Variants in GMDS observed in about 807,000 individuals in gnomAD.
The protein encoded by GMDS is GDP-mannose 4,6 dehydratase.
Under a neutral mutation model 49.9 loss-of-function variants are expected in GMDS, and 20 were observed. The ratio of observed to expected loss-of-function variants is 0.40; its 90% CI spans 0.28 to 0.58. GMDS has a LOEUF of 0.58. Ranked by LOEUF, GMDS falls within the 20% of genes least tolerant of loss-of-function variation. The probability of loss-of-function intolerance (pLI) is 0.42; values close to 1 mark genes in which losing one functional copy is unlikely to be tolerated. For missense variants in GMDS, 362 were observed against 481.4 expected (o/e 0.75, Z 2.32); for synonymous variants, 177 against 178.6 (o/e 0.99, Z 0.07).
At chr6:1,865,528 A>G (rs1340356445) in intron 7 of GMDS, among the ~76,000 whole-genome samples, 1 of 152,230 alleles carries the variant, frequency 6.6e-6, no homozygotes, top group African/African-American at 2.4e-5. Flanking sequence ...ACATTTAAAA[A>G]TATCCAAGCC....
intron 1 of GMDS, among the ~76,000 whole-genome samples, chr6:2,239,526 G>A (rs895895697): frequency 6.6e-6 from 1 of 152,094 alleles, no homozygotes; most frequent in African/African-American, 2.4e-5. Context: ...CACTTGACAA[G>A]TTAAGAAAAA....
At chr6:1,982,568 C>A (rs1359121021) in intron 4 of GMDS, among the ~76,000 whole-genome samples, 2 of 152,138 alleles carry the variant, frequency 1.3e-5, no homozygotes, top group Non-Finnish European at 2.9e-5. Context: ...TACTAGCATT[C>A]CTGTACACCA....
chr6:1,897,750 G>T (rs567643164), intron 7 of GMDS, among the ~76,000 whole-genome samples: 4 of 152,274 alleles, frequency 2.6e-5, no homozygotes, highest in Non-Finnish European at 5.9e-5. Flanking sequence ...TCAAACACTA[G>T]AACTTATTTC....
chr6:2,165,960 C>T (rs1342335598), intron 1 of GMDS, among the ~76,000 whole-genome samples: 1 of 151,910 alleles, frequency 6.6e-6, no homozygotes, highest in African/African-American at 2.4e-5. Context: ...AAAAAAGAAT[C>T]AAGGCAAATA....
chr6:1,848,678 G>A (rs2113760902), intron 7 of GMDS, among the ~76,000 whole-genome samples: 1 of 152,288 alleles, frequency 6.6e-6, no homozygotes, highest in Middle Eastern at 3.4e-3. Flanking sequence ...TAGTGGGGTG[G>A]GAACGTCCAG....
intron 1 of GMDS, among the ~76,000 whole-genome samples, chr6:2,240,968 T>C (rs1561684131): frequency 6.6e-6 from 1 of 152,226 alleles, no homozygotes; most frequent in Non-Finnish European, 1.5e-5. Flanking sequence ...CCAATGGTGC[T>C]GGGGAGCAAT....
intron 7 of GMDS, among the ~76,000 whole-genome samples, chr6:1,911,502 A>C (rs1761052378): frequency 6.6e-6 from 1 of 152,140 alleles, no homozygotes; most frequent in South Asian, 2.1e-4. Context: ...AAAATGGCAG[A>C]AAAAACAGAC....
chr6:1,926,449 T>C (rs1293220699), intron 7 of GMDS, among the ~76,000 whole-genome samples: 1 of 152,212 alleles, frequency 6.6e-6, no homozygotes, highest in Non-Finnish European at 1.5e-5. Flanking sequence ...TCACACGCTC[T>C]GCGAGGGGGA....
chr6:2,196,831 T>C (rs1456264812), intron 1 of GMDS, among the ~76,000 whole-genome samples: 1 of 152,180 alleles, frequency 6.6e-6, no homozygotes, highest in Non-Finnish European at 1.5e-5. Context: ...ATCAAGATTT[T>C]TATCAAAGCA....
intron 7 of GMDS, among the ~76,000 whole-genome samples, chr6:1,840,084 ACT>A (rs1176685997): frequency 6.6e-6 from 1 of 152,026 alleles, no homozygotes; most frequent in Non-Finnish European, 1.5e-5. Context: ...ATGGTGTAAA[ACT>A]CTCACAGAAT....
intron 4 of GMDS, among the ~76,000 whole-genome samples, chr6:1,961,951 G>C (rs1021854716): frequency 6.6e-6 from 1 of 152,238 alleles, no homozygotes; most frequent in Non-Finnish European, 1.5e-5. Context: ...ATTTAGGCCT[G>C]TGAGTAAAGG....
chr6:1,963,443 A>T (rs1764084801), intron 4 of GMDS, among the ~76,000 whole-genome samples: 1 of 152,168 alleles, frequency 6.6e-6, no homozygotes, highest in African/African-American at 2.4e-5. Context: ...TCAATGTTAT[A>T]TCTAAGAATA....
chr6:1,746,493 A>C (rs1767500944), intron 7 of GMDS, among the ~76,000 whole-genome samples: 1 of 152,194 alleles, frequency 6.6e-6, no homozygotes. Context: ...GCAGTTTTCA[A>C]ATCATGTCTT....
At chr6:1,890,874 C>G (rs1406800385) in intron 7 of GMDS, among the ~76,000 whole-genome samples, 2 of 152,142 alleles carry the variant, frequency 1.3e-5, no homozygotes, top group Non-Finnish European at 2.9e-5. Context: ...TTTTTTACCC[C>G]AGCCGTGTCA....
intron 4 of GMDS, among the ~76,000 whole-genome samples, chr6:2,010,461 TGA>T (rs1767493408): frequency 6.6e-6 from 1 of 151,796 alleles, no homozygotes; most frequent in Admixed American, 6.6e-5. Flanking sequence ...ACAAGGATGA[TGA>T]GATTACTTGT....
intron 7 of GMDS, among the ~76,000 whole-genome samples, chr6:1,916,244 A>G (rs1425313860): frequency 1.3e-5 from 2 of 152,080 alleles, no homozygotes; most frequent in Non-Finnish European, 2.9e-5. Context: ...GCACGCCCAC[A>G]GTGACCAGCG....
At chr6:1,674,698 C>T (rs1383889084) in intron 9 of GMDS, among the ~76,000 whole-genome samples, 1 of 147,452 alleles carries the variant, frequency 6.8e-6, no homozygotes. Context: ...TCCCAGGTAG[C>T]TGGGACACCC....
At chr6:1,844,019 T>C (rs1273185076) in intron 7 of GMDS, among the ~76,000 whole-genome samples, 1 of 152,204 alleles carries the variant, frequency 6.6e-6, no homozygotes, top group Non-Finnish European at 1.5e-5. Context: ...CAGGGTGCGC[T>C]TTCAATGTGA....
intron 4 of GMDS, among the ~76,000 whole-genome samples, chr6:2,107,897 G>A (rs1309671180): frequency 6.6e-6 from 1 of 152,150 alleles, no homozygotes; most frequent in Non-Finnish European, 1.5e-5. Context: ...AACAAGTAAA[G>A]CATTCTGCTC....
Sources: allele counts gnomAD v4.1 joint callset (sites outside exome capture counted in the v4.1 genomes callset), GRCh38; gene constraint gnomAD v4.1.1; transcripts MANE v1.5; gene names NCBI Gene and HGNC (gene_info 2026-07-23, HGNC 2026-07-21).